Variants in NEBL observed in about 807,000 individuals in gnomAD.
The protein encoded by NEBL is nebulette, also known as LIM and SH3 protein 2.
Under a neutral mutation model 140.2 loss-of-function variants are expected in NEBL, and 122 were observed. That is an observed-to-expected ratio of 0.87 (90% CI 0.75 to 1.01). The LOEUF is 1.01. NEBL is among the 50% of genes least tolerant of loss of function. The pLI, the probability that NEBL is intolerant of heterozygous loss-of-function variation, is 0.00. For synonymous variants in NEBL, 436 were observed against 398.9 expected (o/e 1.09, Z -1.11); for missense variants, 1,365 against 1,231.3 (o/e 1.11, Z -1.62).
intron 14 of NEBL, among the ~76,000 whole-genome samples, chr10:20,832,978 A>T (rs974470438): frequency 6.6e-6 from 1 of 152,230 alleles, no homozygotes. Flanking sequence ...TTTCATTTGA[A>T]GGCCAACAAA....
intron 2 of NEBL, among the ~76,000 whole-genome samples, chr10:21,140,847 G>T (rs1414033516): frequency 6.6e-6 from 1 of 151,980 alleles, no homozygotes; most frequent in Non-Finnish European, 1.5e-5. Flanking sequence ...CGCATGCATG[G>T]CTTAAAACCT....
At chr10:21,140,200 G>A (rs968386029) in intron 2 of NEBL, among the ~76,000 whole-genome samples, 2 of 151,972 alleles carry the variant, frequency 1.3e-5, no homozygotes, top group Admixed American at 6.6e-5. Flanking sequence ...AAGGTGTATG[G>A]AATGGTTGAG....
intron 3 of NEBL, among the ~76,000 whole-genome samples, chr10:20,983,423 A>C (rs1284760633): frequency 6.6e-6 from 1 of 152,230 alleles, no homozygotes; most frequent in East Asian, 1.9e-4. Context: ...CATTTTCAAA[A>C]ATCATCAGTG....
chr10:20,981,786 T>C (rs1424833156), intron 3 of NEBL, among the ~76,000 whole-genome samples: 1 of 152,130 alleles, frequency 6.6e-6, no homozygotes, highest in Non-Finnish European at 1.5e-5. Flanking sequence ...GAGGTAAGCC[T>C]GCCTGAAAAT....
chr10:21,011,973 C>A (rs755174266), intron 3 of NEBL, among the ~76,000 whole-genome samples: 2 of 152,240 alleles, frequency 1.3e-5, no homozygotes, highest in Non-Finnish European at 2.9e-5. Flanking sequence ...CACATTCTTA[C>A]TTTGCCTGCC....
intron 7 of NEBL, among the ~76,000 whole-genome samples, chr10:20,867,454 G>A (rs926132555): frequency 1.3e-5 from 2 of 152,068 alleles, no homozygotes; most frequent in Non-Finnish European, 2.9e-5. Flanking sequence ...CTATAAATGT[G>A]TAAAACTTAC....
intron 4 of NEBL, among the ~76,000 whole-genome samples, chr10:20,951,478 A>G (rs1835461205): frequency 6.6e-6 from 1 of 152,028 alleles, no homozygotes; most frequent in South Asian, 2.1e-4. Context: ...GCATACTTAA[A>G]AAAAAAAAGA....
At chr10:20,829,953 G>A (rs1450978929) in intron 16 of NEBL, among the ~76,000 whole-genome samples, 1 of 152,200 alleles carries the variant, frequency 6.6e-6, no homozygotes, top group African/African-American at 2.4e-5. Flanking sequence ...GCATTCTTGA[G>A]AGAGTAAGTA....
chr10:20,815,794 G>A (rs1364090864), intron 21 of NEBL, 77 bp from the exon 22 acceptor site: 19 of 1,066,530 alleles, frequency 1.8e-5, no homozygotes, highest in South Asian at 3.8e-5. Flanking sequence ...TTTAAGACAG[G>A]GTCTTGCTCT....
intron 2 of NEBL, chr10:21,113,016 T>C (rs1222458920): frequency 1.3e-5 from 3 of 236,772 alleles, no homozygotes; most frequent in South Asian, 1.2e-4. Flanking sequence ...TTGCTGCCAC[T>C]CCTGAAGAAG....
chr10:21,257,839 C>G (rs961945668), intron 1 of NEBL, among the ~76,000 whole-genome samples: 3 of 151,568 alleles, frequency 2.0e-5, no homozygotes, highest in African/African-American at 4.9e-5. Context: ...GAGCCTGGAT[C>G]GCGCCACTGC....
chr10:21,041,926 T>C (rs1450895864), intron 2 of NEBL, among the ~76,000 whole-genome samples: 1 of 152,216 alleles, frequency 6.6e-6, no homozygotes, highest in African/African-American at 2.4e-5. Context: ...TCTTTTAGCA[T>C]TCTAATGCAT....
chr10:21,250,269 G>A (rs748672827), intron 2 of NEBL, among the ~76,000 whole-genome samples: 6 of 152,048 alleles, frequency 3.9e-5, no homozygotes, highest in Admixed American at 6.6e-5. Flanking sequence ...CTGCCAGCTC[G>A]GCCAGGATAT....
At chr10:20,892,402 G>A (rs906645267) in intron 2 of NEBL, among the ~76,000 whole-genome samples, 4 of 152,180 alleles carry the variant, frequency 2.6e-5, no homozygotes, top group African/African-American at 7.2e-5. Flanking sequence ...TACTAATGAC[G>A]ACAGAATAGA....
In NEBL at chr10:20,947,655, C is replaced by T. The variant is rs12412142; in HGVS notation, c.357+14017G>A. 2.0e-5 allele frequency among the ~76,000 whole-genome samples: 3 copies of T among 151,532 alleles called. No homozygotes were observed. The Admixed American group carries it at 2.0e-4, about 10-fold the overall frequency. ...GCCAGGCTTTGCTATTTACAAATCACAGCCATTGACATTTTTACTGAGAAA... is the reference window on the plus strand; with the variant it reads ...GCCAGGCTTTGCTATTTACAAATCATAGCCATTGACATTTTTACTGAGAAA... On this transcript the variant is annotated intron_variant, in intron 4 of 6. Transcript: ENST00000417816.
chr10:20,908,460 A>G (rs1848192433), intron 4 of NEBL, among the ~76,000 whole-genome samples: 1 of 152,198 alleles, frequency 6.6e-6, no homozygotes, highest in African/African-American at 2.4e-5. Flanking sequence ...CATGGGCGTT[A>G]GAAGCAACAG....
In NEBL at chr10:20,859,700, A is replaced by T; in HGVS notation, c.798+13T>A. On this transcript the variant is annotated intron_variant, in intron 8 of 27. Coordinates refer to ENST00000377122, the MANE Select transcript of NEBL (RefSeq NM_006393.3). ...AAGATTTTGAAAATAATTTTCTATG[A>T]ATTACAACTTACATTGCTCGCCAGT... 6.7e-7 allele frequency: 1 copy of T among 1,500,710 alleles called. No homozygotes were observed. The highest frequency in any genetic ancestry group is 9.3e-7 in the Non-Finnish European group (1 of 1,079,902). The allele number at this position is 1,500,710 out of a possible 1,614,324, so 93.0% of individuals were successfully genotyped here. A position where few individuals can be genotyped will look rare whatever the true frequency, so the allele number is the denominator to read the frequency against.
intron 24 of NEBL, among the ~76,000 whole-genome samples, chr10:20,812,239 T>A (rs1000482392): frequency 1.3e-5 from 2 of 152,098 alleles, no homozygotes; most frequent in African/African-American, 4.8e-5. Flanking sequence ...GTTTTTCTTT[T>A]TAAAGAAAAA....
chr10:21,222,894 C>G (rs1229793670), intron 3 of NEBL, among the ~76,000 whole-genome samples: 2 of 152,190 alleles, frequency 1.3e-5, no homozygotes, highest in African/African-American at 4.8e-5. Context: ...TCCCAAGTAG[C>G]TGGGACTACA....
Sources: gnomAD v4.1 joint callset for allele counts (sites outside exome capture counted in the v4.1 genomes callset) on GRCh38, gnomAD v4.1.1 for gene constraint, MANE v1.5 for transcripts, NCBI Gene and HGNC (gene_info 2026-07-23, HGNC 2026-07-21) for gene names.